Variants in DCC observed in about 807,000 individuals in gnomAD.
DCC encodes the protein DCC netrin 1 receptor.
A neutral mutation model predicts 172.5 loss-of-function variants in DCC; 58 were observed. The ratio of observed to expected loss-of-function variants is 0.34; its 90% confidence interval spans 0.27 to 0.42. DCC has a LOEUF of 0.42. Ranked by LOEUF, DCC falls within the 10% of genes least tolerant of loss-of-function variation. DCC has a pLI of 1.00. For missense variants in DCC, 1,740 were observed against 1,791.0 expected (o/e 0.97, Z 0.51); for synonymous variants, 709 against 644.5 (o/e 1.10, Z -1.52).
intron 1 of DCC, among the ~76,000 whole-genome samples, chr18:52,746,920 A>T (rs1010542751): frequency 4.6e-5 from 7 of 151,904 alleles, no homozygotes; most frequent in South Asian, 2.1e-4. Flanking sequence ...AGAAAAAAAA[A>T]AAAAGGAGGA....
At chr18:52,853,574 A>G (rs1249703338) in intron 2 of DCC, among the ~76,000 whole-genome samples, 2 of 152,206 alleles carry the variant, frequency 1.3e-5, no homozygotes, top group Non-Finnish European at 2.9e-5. Flanking sequence ...GAGGTCTCCA[A>G]TGATGCTGTC....
intron 25 of DCC, among the ~76,000 whole-genome samples, chr18:53,476,296 C>T (rs2045761853): frequency 6.6e-6 from 1 of 152,088 alleles, no homozygotes; most frequent in South Asian, 2.1e-4. Context: ...AATGTGAGAA[C>T]ATTAGAATTG....
chr18:52,503,274 G>A (rs2031101425), intron 1 of DCC, among the ~76,000 whole-genome samples: 1 of 152,124 alleles, frequency 6.6e-6, no homozygotes, highest in Non-Finnish European at 1.5e-5. Flanking sequence ...GAGAGTAAAA[G>A]GGAGCTAGTA....
chr18:53,031,657 AATAAAT>A (rs970362508), intron 5 of DCC, among the ~76,000 whole-genome samples: 1 of 152,130 alleles, frequency 6.6e-6, no homozygotes, highest in Non-Finnish European at 1.5e-5. Flanking sequence ...ATAAGACAAA[AATAAAT>A]ATAATATTAG....
At chr18:53,379,143 A>C (rs1260157068) in intron 15 of DCC, among the ~76,000 whole-genome samples, 1 of 152,222 alleles carries the variant, frequency 6.6e-6, no homozygotes, top group African/African-American at 2.4e-5. Flanking sequence ...CCCATGGCCT[A>C]TATTCTGTGA....
At chr18:52,976,018 C>T (rs2041111532) in intron 5 of DCC, among the ~76,000 whole-genome samples, 1 of 152,084 alleles carries the variant, frequency 6.6e-6, no homozygotes, top group Non-Finnish European at 1.5e-5. Context: ...TTGCCAGCTC[C>T]TGTTATTTTT....
intron 5 of DCC, among the ~76,000 whole-genome samples, chr18:53,029,778 T>C (rs2042004031): frequency 1.3e-5 from 2 of 152,156 alleles, no homozygotes; most frequent in Non-Finnish European, 2.9e-5. Flanking sequence ...CCATGTGGCT[T>C]GGTAAGGCTG....
intron 7 of DCC, among the ~76,000 whole-genome samples, chr18:53,105,986 G>A (rs1001434254): frequency 6.6e-6 from 1 of 151,150 alleles, no homozygotes; most frequent in African/African-American, 2.4e-5. Context: ...GACAAGCAGA[G>A]GCGGCAGGCT....
At chr18:53,377,794 A>C (rs1238464704) in intron 15 of DCC, among the ~76,000 whole-genome samples, 3 of 152,152 alleles carry the variant, frequency 2.0e-5, no homozygotes. Flanking sequence ...ATTGTCTTCA[A>C]GTTTGATTCT....
At chr18:52,556,939 C>T (rs1408103796) in intron 1 of DCC, among the ~76,000 whole-genome samples, 3 of 152,162 alleles carry the variant, frequency 2.0e-5, no homozygotes, top group Non-Finnish European at 2.9e-5. Flanking sequence ...GCTATAACAA[C>T]ATTTTGGATA....
At chr18:52,672,057 G>A (rs1446975659) in intron 1 of DCC, among the ~76,000 whole-genome samples, 1 of 151,906 alleles carries the variant, frequency 6.6e-6, no homozygotes, top group African/African-American at 2.4e-5. Context: ...ATCAGTTTAG[G>A]TAAACCAATA....
In DCC at chr18:53,207,777, C is replaced by T. The variant is rs370522780; in HGVS notation, c.1821C>T (p.Gly607=). 1.7e-5 allele frequency: 27 copies of T among 1,612,834 alleles called. No homozygotes were observed. Among genetic ancestry groups the T allele is most frequent in the African/African-American group, 6.7e-5 (5 of 74,994 alleles). The change falls in exon 11 of 29, where the codon GGC becomes GGT. Residue 607 remains glycine (G), a synonymous_variant. Transcript: ENST00000442544. ...RFLAYNRYGP[G]VSTDDITVVT... The stretch of plus-strand genomic sequence containing the variant: ...TAGCTTATAATCGCTATGGTCCGGG[C>T]GTCTCTACTGATGATATAACAGTGG...
chr18:53,023,168 A>T (rs976468811), intron 5 of DCC, among the ~76,000 whole-genome samples: 4 of 151,940 alleles, frequency 2.6e-5, no homozygotes, highest in African/African-American at 9.7e-5. Flanking sequence ...ACAGTATAGA[A>T]GTATTTACCA....
intron 14 of DCC, among the ~76,000 whole-genome samples, chr18:53,339,217 C>T (rs1250538292): frequency 6.6e-6 from 1 of 152,136 alleles, no homozygotes; most frequent in Non-Finnish European, 1.5e-5. Context: ...AATCAAGTAC[C>T]ATCCTAATCA....
chr18:52,818,460 C>CAT (rs1190543021), intron 2 of DCC, among the ~76,000 whole-genome samples: 1 of 149,208 alleles, frequency 6.7e-6, no homozygotes, highest in Non-Finnish European at 1.5e-5. Flanking sequence ...AGATGAAAAG[C>CAT]ATATATATCA....
At position 52,345,385 on chromosome 18, in the gene DCC, C is replaced by T. The variant is rs534780456; in HGVS notation, c.91+4507C>T. 1.4e-4 allele frequency among the ~76,000 whole-genome samples: 22 copies of T among 152,328 alleles called. 1 individual carries two copies. The highest frequency in any genetic ancestry group is 3.9e-4 in the Admixed American group (6 of 15,300). ...ATGTAAACGTCAAGTCTTCTTCCCC[C>T]TCTTTTTCCATTCCTTCCTTATAAT... is the stretch of plus-strand genomic sequence containing the variant. On this transcript the variant is annotated intron_variant, in intron 1 of 28. Transcript: ENST00000442544.
In DCC at chr18:53,255,549, C is replaced by A. The variant is rs184365979; in HGVS notation, c.1911+39952C>A. Among the ~76,000 whole-genome samples the A allele has an allele frequency of 1.5e-3, 225 of 151,888 alleles. 2 individuals carry two copies. The highest frequency in any genetic ancestry group is 5.3e-3 in the African/African-American group (218 of 41,436). On this transcript the variant is annotated intron_variant, in intron 12 of 28. Transcript: ENST00000442544. ...TCCCTACAAAGGACATGAACTCATCCTTTTTTATGGCTACATAGTATTCCA... is the reference window on the plus strand; with the variant it reads ...TCCCTACAAAGGACATGAACTCATCATTTTTTATGGCTACATAGTATTCCA...
chr18:53,241,498 T>C (rs1265520708), intron 12 of DCC, among the ~76,000 whole-genome samples: 2 of 152,104 alleles, frequency 1.3e-5, no homozygotes, highest in Non-Finnish European at 2.9e-5. Context: ...CGCAGTTTCA[T>C]GGTCCCTGGG....
At chr18:52,845,562 C>T (rs1394352044) in intron 2 of DCC, among the ~76,000 whole-genome samples, 2 of 152,162 alleles carry the variant, frequency 1.3e-5, no homozygotes, top group Non-Finnish European at 2.9e-5. Context: ...GCACCAGCAT[C>T]AGGTAAGGCA....
Sources: gnomAD v4.1 joint callset for allele counts (sites outside exome capture counted in the v4.1 genomes callset) on GRCh38, gnomAD v4.1.1 for gene constraint, MANE v1.5 for transcripts, NCBI Gene and HGNC (gene_info 2026-07-23, HGNC 2026-07-21) for gene names.